The following PDE3A variants were observed in gnomAD, a reference collection of about 807,000 sequenced individuals.
The protein encoded by PDE3A is phosphodiesterase 3A.
PDE3A carries 43 observed loss-of-function variants against 98.3 expected under a neutral mutation model. The observed-to-expected ratio is 0.44, with a 90% CI of 0.34 to 0.56. The LOEUF (loss-of-function observed/expected upper bound fraction) is 0.56, where lower values mean the gene tolerates loss of function less well. Ranked by LOEUF, PDE3A falls within the 20% of genes least tolerant of loss-of-function variation. The pLI, the probability that PDE3A is intolerant of heterozygous loss-of-function variation, is 0.01. For missense variants in PDE3A, 1,427 were observed against 1,440.7 expected (o/e 0.99, Z 0.15); for synonymous variants, 663 against 567.9 (o/e 1.17, Z -2.38).
chr12:20,409,927 TA>T (rs2120703045), intron 1 of PDE3A, among the ~76,000 whole-genome samples: 1 of 152,296 alleles, frequency 6.6e-6, no homozygotes, highest in Admixed American at 6.5e-5. Flanking sequence ...AGTAATAATA[TA>T]AATGGATTAT....
intron 1 of PDE3A, among the ~76,000 whole-genome samples, chr12:20,543,513 A>T (rs1214387142): frequency 1.3e-5 from 2 of 151,974 alleles, no homozygotes; most frequent in Non-Finnish European, 2.9e-5. Flanking sequence ...GGGATCCATT[A>T]ATATTAAAAT....
At chr12:20,585,877 A>G (rs11612686) in intron 2 of PDE3A, among the ~76,000 whole-genome samples, 4,956 of 152,098 alleles carry the variant, frequency 0.033, 102 homozygotes, top group Middle Eastern at 0.048. Flanking sequence ...TTTCTTCCAC[A>G]GACATATACT....
chr12:20,553,250 C>T (rs1285507429), intron 1 of PDE3A, among the ~76,000 whole-genome samples: 1 of 121,056 alleles, frequency 8.3e-6, no homozygotes, highest in Non-Finnish European at 1.7e-5. Flanking sequence ...TCTTTGAAAA[C>T]ATAAAAGCCT....
chr12:20,386,082 AATATATAAATATATAT>A (rs1943770928), intron 1 of PDE3A, among the ~76,000 whole-genome samples: 1 of 27,388 alleles, frequency 3.7e-5, no homozygotes, highest in African/African-American at 1.0e-4. Context: ...AATATATATA[AATATATAAATATATAT>A]AAATATATAT....
chr12:20,427,158 T>C (rs1944614245), intron 1 of PDE3A, among the ~76,000 whole-genome samples: 1 of 152,238 alleles, frequency 6.6e-6, no homozygotes, highest in South Asian at 2.1e-4. Flanking sequence ...ATTTCATGCA[T>C]GTCAGCAAAA....
At chr12:20,659,643 C>T (rs1945115139) in intron 15 of PDE3A, among the ~76,000 whole-genome samples, 1 of 152,048 alleles carries the variant, frequency 6.6e-6, no homozygotes, top group Non-Finnish European at 1.5e-5. Flanking sequence ...CACTATGTTT[C>T]CCAGGCTGGT....
At chr12:20,506,099 GGTGTGTGTGT>G (rs56148951) in intron 1 of PDE3A, among the ~76,000 whole-genome samples, 1 of 148,902 alleles carries the variant, frequency 6.7e-6, no homozygotes, top group African/African-American at 2.5e-5. Context: ...TCTAAAGGAA[GGTGTGTGTGT>G]GTGTGTGTGT....
rs570679178 is a variant in PDE3A at position 20,537,265 on chromosome 12, G to A, written c.961-19395G>A. Among the ~76,000 whole-genome samples the A allele has an allele frequency of 1.3e-4, 19 of 151,956 alleles. No homozygotes were observed. In the South Asian group the frequency reaches 3.9e-3, roughly 32 times the overall value. On this transcript the variant is annotated intron_variant, in intron 1 of 15. Transcript: ENST00000359062. The stretch of plus-strand genomic sequence containing the variant: ...GTTAGATTATTTTCTTTTCATTATT[G>A]AAGTTTAAGAGTTCTGTATTTCATA...
chr12:20,405,737 G>T (rs1310120927), intron 1 of PDE3A, among the ~76,000 whole-genome samples: 1 of 152,120 alleles, frequency 6.6e-6, no homozygotes, highest in African/African-American at 2.4e-5. Flanking sequence ...GTTAGGGGGT[G>T]GTGGCGACCA....
At chr12:20,489,868 A>C (rs565705098) in intron 1 of PDE3A, among the ~76,000 whole-genome samples, 11 of 152,292 alleles carry the variant, frequency 7.2e-5, no homozygotes, top group African/African-American at 2.6e-4. Flanking sequence ...TTGCTCAGGA[A>C]ACACAGGGCT....
intron 5 of PDE3A, among the ~76,000 whole-genome samples, chr12:20,623,112 C>A (rs1030563017): frequency 3.3e-5 from 5 of 152,030 alleles, no homozygotes; most frequent in Non-Finnish European, 7.4e-5. Context: ...TATTAAATAG[C>A]ATAGTAGACT....
chr12:20,399,885 A>AATCATTTC (rs1461512298), intron 1 of PDE3A, among the ~76,000 whole-genome samples: 3 of 152,238 alleles, frequency 2.0e-5, no homozygotes, highest in African/African-American at 7.2e-5. Context: ...TGCTTTAAGC[A>AATCATTTC]ATCATTTGTG....
intron 12 of PDE3A, among the ~76,000 whole-genome samples, chr12:20,647,431 A>AT (rs11291561): frequency 0.22 from 33,584 of 151,806 alleles, 3,835 homozygotes; most frequent in Middle Eastern, 0.26. Flanking sequence ...AGGATTTTTT[A>AT]TTTTTTTTGC....
chr12:20,561,623 A>G (rs1483283744), intron 2 of PDE3A, among the ~76,000 whole-genome samples: 1 of 152,076 alleles, frequency 6.6e-6, no homozygotes, highest in Non-Finnish European at 1.5e-5. Context: ...AGCAGCATCT[A>G]ATTTTTTTTT....
chr12:20,371,460 A>C, intron 1 of PDE3A: 1 of 981,846 alleles, frequency 1.0e-6, no homozygotes, highest in Non-Finnish European at 1.2e-6. Context: ...GGAGCAAGAG[A>C]ATATCCTAAG....
intron 1 of PDE3A, among the ~76,000 whole-genome samples, chr12:20,381,754 A>G (rs1029905304): frequency 6.6e-6 from 1 of 151,946 alleles, no homozygotes; most frequent in Non-Finnish European, 1.5e-5. Flanking sequence ...ACCAGAATTG[A>G]TTAAAAATGT....
At chr12:20,530,197 T>C (rs1946598684) in intron 1 of PDE3A, among the ~76,000 whole-genome samples, 1 of 152,184 alleles carries the variant, frequency 6.6e-6, no homozygotes. Flanking sequence ...ATAATATAAT[T>C]GTTATATCTT....
intron 2 of PDE3A, 191 bp downstream of exon 2, chr12:20,556,901 C>T (rs1942383909): frequency 3.2e-6 from 2 of 626,830 alleles, no homozygotes; most frequent in Non-Finnish European, 5.7e-6. Context: ...CAGGATATTC[C>T]TTCTAAGAGC....
chr12:20,428,821 A>G (rs1245013163), intron 1 of PDE3A, among the ~76,000 whole-genome samples: 1 of 152,184 alleles, frequency 6.6e-6, no homozygotes, highest in East Asian at 1.9e-4. Context: ...GCGTACCACT[A>G]TGATTGATAG....
Sources: allele counts gnomAD v4.1 joint callset (sites outside exome capture counted in the v4.1 genomes callset), GRCh38; gene constraint gnomAD v4.1.1; transcripts MANE v1.5; gene names NCBI Gene and HGNC (gene_info 2026-07-23, HGNC 2026-07-21).